The following CSMD3 variants were observed in gnomAD, a reference collection of about 807,000 sequenced individuals.
CSMD3 encodes the protein CUB and sushi domain-containing protein 3.
Under a neutral mutation model 435.2 loss-of-function variants are expected in CSMD3, and 177 were observed. That is an observed-to-expected ratio of 0.41 (90% CI 0.36 to 0.46). The LOEUF is 0.46. CSMD3 is among the 20% of genes least tolerant of loss of function. CSMD3 has a pLI of 0.34. For missense variants in CSMD3, 4,265 were observed against 4,504.6 expected (o/e 0.95, Z 1.52); for synonymous variants, 1,656 against 1,520.5 (o/e 1.09, Z -2.07).
At chr8:112,762,378 T>A (rs1290640422) in intron 13 of CSMD3, among the ~76,000 whole-genome samples, 1 of 151,938 alleles carries the variant, frequency 6.6e-6, no homozygotes, top group East Asian at 1.9e-4. Flanking sequence ...AGCTGTTCTG[T>A]CCATAGCACT....
intron 1 of CSMD3, among the ~76,000 whole-genome samples, chr8:113,401,439 C>T (rs1381597434): frequency 1.3e-5 from 2 of 151,458 alleles, no homozygotes; most frequent in South Asian, 4.1e-4. Flanking sequence ...AGGTAAAGGG[C>T]ATTTAAATTG....
chr8:112,503,369 G>C (rs550213971), intron 30 of CSMD3, among the ~76,000 whole-genome samples: 1 of 152,334 alleles, frequency 6.6e-6, no homozygotes, highest in South Asian at 2.1e-4. Flanking sequence ...AGGCATGACT[G>C]ATGGCACCCA....
intron 5 of CSMD3, among the ~76,000 whole-genome samples, chr8:113,051,405 C>T (rs1037334932): frequency 6.6e-5 from 10 of 152,132 alleles, no homozygotes; most frequent in Non-Finnish European, 1.2e-4. Flanking sequence ...TCAAGTATCT[C>T]CATTCTGACA....
At chr8:112,795,282 G>A (rs951434047) in intron 13 of CSMD3, among the ~76,000 whole-genome samples, 3 of 151,818 alleles carry the variant, frequency 2.0e-5, no homozygotes, top group African/African-American at 7.3e-5. Flanking sequence ...TCATGTTCAA[G>A]GTTTTATTAC....
intron 41 of CSMD3, 102 bp from the exon 42 acceptor site, chr8:112,341,788 T>G (rs1586819832): frequency 1.2e-6 from 1 of 832,044 alleles, no homozygotes; most frequent in East Asian, 2.6e-5. Context: ...TAAGTTTGCA[T>G]TTAAGTCAAG....
chr8:113,103,771 T>C (rs527610863), intron 4 of CSMD3, among the ~76,000 whole-genome samples: 1 of 152,088 alleles, frequency 6.6e-6, no homozygotes, highest in East Asian at 1.9e-4. Flanking sequence ...TTTTTATCTC[T>C]TACCTATAGA....
intron 45 of CSMD3, among the ~76,000 whole-genome samples, chr8:112,334,799 A>G (rs1274308672): frequency 5.3e-5 from 8 of 152,202 alleles, no homozygotes; most frequent in African/African-American, 1.7e-4. Flanking sequence ...CTATACATAA[A>G]TTATTCCACA....
intron 35 of CSMD3, among the ~76,000 whole-genome samples, chr8:112,399,265 A>AAT (rs561009287): frequency 6.9e-6 from 1 of 145,378 alleles, no homozygotes; most frequent in Non-Finnish European, 1.5e-5. Context: ...TTGATTCCAA[A>AAT]TTTTTTTTTT....
chr8:112,435,685 G>T (rs1814248369), intron 32 of CSMD3, among the ~76,000 whole-genome samples: 1 of 151,902 alleles, frequency 6.6e-6, no homozygotes, highest in South Asian at 2.1e-4. Flanking sequence ...TGCCTACTAA[G>T]ACAAAAACAC....
rs200929440 is a variant in CSMD3, at chr8:113,376,730, A to T, written c.178+59947T>A. On this transcript the variant is annotated intron_variant, in intron 1 of 70. Coordinates refer to ENST00000297405, the MANE Select transcript of CSMD3 (RefSeq NM_198123.2). ...CGGCGCAAGGAGCCTAAGAGCCAGG[A>T]TATCTACCTGAGGCTGTCTGTCGGT... is the stretch of plus-strand genomic sequence containing the variant. 2.1e-5 allele frequency: 34 copies of T among 1,613,802 alleles called. No individual in the cohort carries two copies. The South Asian group carries it at 2.2e-4, about 10-fold the overall frequency.
intron 1 of CSMD3, among the ~76,000 whole-genome samples, chr8:113,412,558 A>G (rs2094564212): frequency 6.6e-6 from 1 of 152,154 alleles, no homozygotes; most frequent in Non-Finnish European, 1.5e-5. Context: ...ATGAATGATA[A>G]AAGATGATAT....
chr8:112,484,223 T>C (rs187312518), intron 31 of CSMD3, among the ~76,000 whole-genome samples: 2 of 152,176 alleles, frequency 1.3e-5, no homozygotes, highest in African/African-American at 4.8e-5. Flanking sequence ...CCGAATTTTT[T>C]TCTAACTGAA....
At chr8:112,393,565 G>C (rs1830619876) in intron 35 of CSMD3, among the ~76,000 whole-genome samples, 4 of 152,158 alleles carry the variant, frequency 2.6e-5, no homozygotes, top group Admixed American at 2.6e-4. Flanking sequence ...CTGAAACTCT[G>C]TTTATCAAGA....
rs146582499 is a variant in CSMD3 at position 112,827,551 on chromosome 8, A to G, written c.1859+2135T>C. ...TTTTACAATTTTATCTCTAAAGTGC[A>G]TGTGATAGGATCTAACAAACATGTA... On this transcript the variant is annotated intron_variant, in intron 12 of 70. Coordinates refer to ENST00000297405, the MANE Select transcript of CSMD3 (RefSeq NM_198123.2). Among the ~76,000 whole-genome samples the G allele has an allele frequency of 3.1e-3, 470 of 152,288 alleles. 1 individual carries two copies. The highest frequency in any genetic ancestry group is 0.01 in the African/African-American group (434 of 41,566).
chr8:112,779,501 A>G (rs2078329877), intron 13 of CSMD3, among the ~76,000 whole-genome samples: 1 of 152,070 alleles, frequency 6.6e-6, no homozygotes, highest in Non-Finnish European at 1.5e-5. Context: ...TGGACCAAGG[A>G]GAATGAATAA....
chr8:113,414,736 G>A (rs932700048), intron 1 of CSMD3, among the ~76,000 whole-genome samples: 1 of 151,364 alleles, frequency 6.6e-6, no homozygotes, highest in Non-Finnish European at 1.5e-5. Flanking sequence ...CAAGGTAGGT[G>A]GACAGCTTGA....
intron 1 of CSMD3, among the ~76,000 whole-genome samples, chr8:113,388,424 A>G (rs1003064530): frequency 6.6e-6 from 1 of 151,588 alleles, no homozygotes; most frequent in Admixed American, 6.6e-5. Flanking sequence ...ACAGAAGATA[A>G]TTAATTTGCT....
intron 13 of CSMD3, among the ~76,000 whole-genome samples, chr8:112,788,252 A>T (rs890281207): frequency 1.3e-5 from 2 of 152,146 alleles, no homozygotes; most frequent in African/African-American, 4.8e-5. Flanking sequence ...CATTGGAGAA[A>T]TGGACATCTT....
intron 10 of CSMD3, among the ~76,000 whole-genome samples, chr8:112,913,764 A>G (rs1388333409): frequency 6.7e-6 from 1 of 148,886 alleles, no homozygotes; most frequent in Non-Finnish European, 1.5e-5. Context: ...CTCTATCTTT[A>G]ATGTCTTACA....
Sources: gnomAD v4.1 joint callset for allele counts (sites outside exome capture counted in the v4.1 genomes callset) on GRCh38, gnomAD v4.1.1 for gene constraint, MANE v1.5 for transcripts, NCBI Gene and HGNC (gene_info 2026-07-23, HGNC 2026-07-21) for gene names.